The following LUZP2 variants were observed in gnomAD, a reference collection of about 807,000 sequenced individuals.
The protein encoded by LUZP2 is leucine zipper protein 2.
A neutral mutation model predicts 51.6 loss-of-function variants in LUZP2; 52 were observed. The ratio of observed to expected loss-of-function variants is 1.01; its 90% CI spans 0.81 to 1.27. The LOEUF is 1.27. LUZP2 is among the 50% of genes most tolerant of loss of function. LUZP2 has a pLI of 0.00. For missense variants in LUZP2, 436 were observed against 395.4 expected, an observed-to-expected ratio of 1.10 and a Z score of -0.87; for synonymous variants, 154 against 137.3, an observed-to-expected ratio of 1.12 and a Z score of -0.85.
At chr11:24,717,285 T>G (rs1379738563) in intron 1 of LUZP2, among the ~76,000 whole-genome samples, 1 of 151,782 alleles carries the variant, frequency 6.6e-6, no homozygotes, top group Non-Finnish European at 1.5e-5. Context: ...GTCTTAATTT[T>G]TTTTCTTATT....
At chr11:24,785,797 A>T (rs1849230533) in intron 5 of LUZP2, 1 of 893,868 alleles carries the variant, frequency 1.1e-6, no homozygotes, top group Non-Finnish European at 1.3e-6. Flanking sequence ...CATTTAGCCC[A>T]CACTTCTCCT....
chr11:24,662,779 G>C (rs962325347), intron 1 of LUZP2, among the ~76,000 whole-genome samples: 11 of 151,874 alleles, frequency 7.2e-5, no homozygotes, highest in African/African-American at 2.7e-4. Flanking sequence ...AGTGGCTTCA[G>C]GAAAAAATAT....
chr11:24,741,623 C>G (rs532020905), intron 4 of LUZP2, among the ~76,000 whole-genome samples: 4 of 151,174 alleles, frequency 2.6e-5, no homozygotes, highest in Non-Finnish European at 5.9e-5. Context: ...AACTTTGCGT[C>G]CTCATAGCTT....
chr11:25,024,994 C>T (rs976377925), intron 9 of LUZP2, among the ~76,000 whole-genome samples: 2 of 151,474 alleles, frequency 1.3e-5, no homozygotes, highest in African/African-American at 4.9e-5. Flanking sequence ...TAATACCACA[C>T]ATCTACAACC....
At chr11:24,555,982 A>G (rs904283628) in intron 1 of LUZP2, among the ~76,000 whole-genome samples, 1 of 152,172 alleles carries the variant, frequency 6.6e-6, no homozygotes, top group Non-Finnish European at 1.5e-5. Flanking sequence ...TGTCTCAAAA[A>G]AAAGAAAGCT....
At chr11:24,975,370 A>T (rs1182569161) in intron 7 of LUZP2, among the ~76,000 whole-genome samples, 3 of 152,086 alleles carry the variant, frequency 2.0e-5, no homozygotes, top group Non-Finnish European at 4.4e-5. Context: ...AGATACCACA[A>T]TCAACTGGAA....
At chr11:24,712,927 A>C (rs1857892946) in intron 1 of LUZP2, among the ~76,000 whole-genome samples, 1 of 152,124 alleles carries the variant, frequency 6.6e-6, no homozygotes. Context: ...ATATATTTTT[A>C]ACTTGAAACC....
At chr11:24,607,155 T>C (rs1031764969) in intron 1 of LUZP2, among the ~76,000 whole-genome samples, 2 of 151,802 alleles carry the variant, frequency 1.3e-5, no homozygotes, top group South Asian at 2.1e-4. Context: ...CTTCCAATCA[T>C]TTATTTTTTA....
chr11:24,774,332 T>TTCTCTCTCTCTCTCTCTCTC lies in LUZP2; in HGVS notation c.396+11036_396+11055dup, dbSNP rs374302170. On this transcript the variant is annotated intron_variant, in intron 5 of 11. Transcript: ENST00000336930. ...GTTAATGAGTTAATACTTAGTAAAC[T>TTCTCTCTCTCTCTCTCTCTC]TCTCTCTCTCTCTCTCTCTCTCTCT... is the stretch of plus-strand genomic sequence containing the variant. 1.3e-3 allele frequency among the ~76,000 whole-genome samples: 55 copies of TTCTCTCTCTCTCTCTCTCTC among 41,910 alleles called. 2 individuals are homozygous for TTCTCTCTCTCTCTCTCTCTC. Among genetic ancestry groups the TTCTCTCTCTCTCTCTCTCTC allele is most frequent in the East Asian group, 2.5e-3 (2 of 802 alleles). The allele number at this position is 41,910 out of a possible 152,430, so 27.5% of individuals were successfully genotyped here. A position where few individuals can be genotyped will look rare whatever the true frequency, so the allele number is the denominator to read the frequency against.
At chr11:25,056,273 G>A (rs1858682035) in intron 10 of LUZP2, among the ~76,000 whole-genome samples, 1 of 152,068 alleles carries the variant, frequency 6.6e-6, no homozygotes, top group Admixed American at 6.6e-5. Flanking sequence ...GTTGGCGGAA[G>A]TACTATAATA....
chr11:24,695,021 C>G (rs12574734), intron 1 of LUZP2, among the ~76,000 whole-genome samples: 26,359 of 151,732 alleles, frequency 0.17, 2,411 homozygotes, highest in East Asian at 0.32. Context: ...TGCAGCAAAC[C>G]ACCATGGTAC....
chr11:24,878,622 TTTAG>T (rs1444720109), intron 5 of LUZP2, among the ~76,000 whole-genome samples: 8 of 151,972 alleles, frequency 5.3e-5, no homozygotes, highest in Non-Finnish European at 1.2e-4. Context: ...TATTATCCCT[TTTAG>T]TTTTTATTTT....
At chr11:25,053,026 A>G (rs1858568345) in intron 10 of LUZP2, among the ~76,000 whole-genome samples, 2 of 152,154 alleles carry the variant, frequency 1.3e-5, no homozygotes, top group South Asian at 4.1e-4. Context: ...ATGAATTCAG[A>G]AATCCAAAAA....
intron 1 of LUZP2, among the ~76,000 whole-genome samples, chr11:24,681,352 C>T (rs1285273922): frequency 6.6e-5 from 10 of 152,148 alleles, no homozygotes. Flanking sequence ...GACATTCATT[C>T]ATAGAGACAT....
chr11:24,640,748 A>C (rs924546964), intron 1 of LUZP2, among the ~76,000 whole-genome samples: 1 of 151,782 alleles, frequency 6.6e-6, no homozygotes, highest in African/African-American at 2.4e-5. Flanking sequence ...ATTAGGAGTT[A>C]TGAAGATGAC....
intron 5 of LUZP2, among the ~76,000 whole-genome samples, chr11:24,899,294 G>A (rs549696109): frequency 7.9e-5 from 12 of 151,844 alleles, no homozygotes; most frequent in African/African-American, 2.2e-4. Flanking sequence ...ATGGCAGAGT[G>A]TGATCTTTTG....
rs187537562 is a variant in LUZP2 at position 24,996,864 on chromosome 11, C to T, written c.765+13571C>T. 3.3e-3 allele frequency among the ~76,000 whole-genome samples: 495 copies of T among 151,746 alleles called. 3 individuals carry two copies. The highest frequency in any genetic ancestry group is 0.011 in the African/African-American group (468 of 41,342). The stretch of plus-strand genomic sequence containing the variant: ...ATTCCCATCTATCAGTAAGAATATG[C>T]GGTGTTTGGTTTTTTGTTCTTGCGA... On this transcript the variant is annotated intron_variant, in intron 9 of 11. Transcript: ENST00000336930.
rs992207309 is a variant in LUZP2 at position 25,025,205 on chromosome 11, C to G, written c.766-24833C>G. On this transcript the variant is annotated intron_variant, in intron 9 of 11. Transcript: ENST00000336930. Reference sequence around the variant, plus strand: ...AACCATAAAAACCCTAGAAGAAAACCTAGGCAATACCATTCAGGTCATAGG... The same window carrying G: ...AACCATAAAAACCCTAGAAGAAAACGTAGGCAATACCATTCAGGTCATAGG... Among the ~76,000 whole-genome samples, 14 of 152,096 alleles carry G rather than the reference C, an allele frequency of 9.2e-5. 1 individual carries two copies. The highest frequency in any genetic ancestry group is 3.1e-4 in the African/African-American group (13 of 41,490).
chr11:25,042,476 T>C (rs567875897), intron 9 of LUZP2, among the ~76,000 whole-genome samples: 3 of 152,332 alleles, frequency 2.0e-5, no homozygotes, highest in East Asian at 3.9e-4. Flanking sequence ...TGCATAGGAA[T>C]ATGAAATATA....
Sources: gnomAD v4.1 joint callset for allele counts (sites outside exome capture counted in the v4.1 genomes callset) on GRCh38, gnomAD v4.1.1 for gene constraint, MANE v1.5 for transcripts, NCBI Gene and HGNC (gene_info 2026-07-23, HGNC 2026-07-21) for gene names.